The following CPEB4 variants were observed in gnomAD, a reference collection of about 807,000 sequenced individuals.
The protein encoded by CPEB4 is cytoplasmic polyadenylation element binding protein 4, also known as cytoplasmic polyadenylation element-binding protein 4.
CPEB4 carries 12 observed loss-of-function variants against 72.5 expected under a neutral mutation model. The ratio of observed to expected loss-of-function variants is 0.17; its 90% CI spans 0.11 to 0.27. The LOEUF is 0.27. Among genes scored for constraint, CPEB4 ranks in the 10% least tolerant of loss-of-function variants. CPEB4 has a pLI of 1.00. For missense variants in CPEB4, 614 were observed against 908.5 expected, an observed-to-expected ratio of 0.68 and a Z score of 4.17; for synonymous variants, 302 against 326.3, an observed-to-expected ratio of 0.93 and a Z score of 0.80.
rs371038561 is a variant in CPEB4, at chr5:173,943,096, G to T, written c.1282+47G>T. On this transcript the variant is annotated intron_variant, in intron 4 of 9. Coordinates refer to ENST00000265085, the MANE Select transcript of CPEB4 (RefSeq NM_030627.4). Reference sequence around the variant, plus strand: ...AAATGTATCACTTGTATTTGGAGACGACCCAAGCTTGTTTAATTTCTAACC... The same window carrying T: ...AAATGTATCACTTGTATTTGGAGACTACCCAAGCTTGTTTAATTTCTAACC... The T allele has an allele frequency of 6.3e-6, 10 of 1,583,098 alleles. No homozygotes were observed. The African/African-American group carries it at 6.8e-5, about 11-fold the overall frequency.
chr5:173,930,922 C>T (rs1344281161), intron 2 of CPEB4, among the ~76,000 whole-genome samples: 1 of 145,534 alleles, frequency 6.9e-6, no homozygotes, highest in South Asian at 2.1e-4. Context: ...ACCTGGGAGA[C>T]GGAGCTTGCA....
At position 173,955,973 on chromosome 5, in the gene CPEB4, G is replaced by T; in HGVS notation, c.2026G>T (p.Gly676Trp). 1 of 1,614,032 alleles carries T rather than the reference G, an allele frequency of 6.2e-7. No homozygotes were observed. Among genetic ancestry groups the T allele is most frequent in the South Asian group, 1.1e-5 (1 of 91,074 alleles). The change falls in exon 10 of 10, where the codon GGG (glycine) becomes TGG (tryptophan). Residue 676 changes from glycine to tryptophan, a missense_variant. Around this residue, in one of 5 missense-constraint regions of CPEB4, gnomAD observed 101 missense variants for 243.1 expected, o/e 0.42. Transcript: ENST00000265085. This position sits in a 1 kb window ranked among gnomAD's most constrained non-coding sequence, Gnocchi z 4.7. Reference sequence around the variant, plus strand: ...TGATGAATGTCAGGGGGCCCGTTGTGGGGGGAAATTTGCTCCATTTTTCTG... The same window carrying T: ...TGATGAATGTCAGGGGGCCCGTTGTTGGGGGAAATTTGCTCCATTTTTCTG... The part of the protein sequence containing the change: ...LCDECQGARC[G>W]GKFAPFFCAN...
chr5:173,955,769 A>C lies in CPEB4; in HGVS notation c.1963-141A>C. 1 of 611,372 alleles carries C rather than the reference A, an allele frequency of 1.6e-6. No homozygotes were observed. Among genetic ancestry groups the C allele is most frequent in the Non-Finnish European group, 2.8e-6 (1 of 353,482 alleles). 37.9% of individuals were successfully genotyped at this position (611,372 alleles called of 1,614,324 possible). On this transcript the variant is annotated intron_variant, in intron 9 of 9. Coordinates refer to ENST00000265085, the MANE Select transcript of CPEB4 (RefSeq NM_030627.4). This position sits in a 1 kb window ranked among gnomAD's most constrained non-coding sequence, Gnocchi z 4.7. The stretch of plus-strand genomic sequence containing the variant: ...GGTTCTTAAAAGATGAACTATCCAT[A>C]TTTCAGTAAATGAATAATTAGTCCT...
At position 173,951,313 on chromosome 5, in the gene CPEB4, TA is replaced by T. The variant is rs77822827; in HGVS notation, c.1666-502del. Among the ~76,000 whole-genome samples the T allele has an allele frequency of 1.0e-3, 158 of 151,602 alleles. 1 individual carries two copies. Among genetic ancestry groups the T allele is most frequent in the Middle Eastern group, 6.9e-3 (2 of 290 alleles). ...AATGGATACACTGAAGTATTTGTCA[TA>T]AAAAAAAATCTATTGCAAATATCAT... On this transcript the variant is annotated intron_variant, in intron 7 of 9. Coordinates refer to ENST00000265085, the MANE Select transcript of CPEB4 (RefSeq NM_030627.4).
chr5:173,951,327 T>C (rs1758210189), intron 7 of CPEB4, among the ~76,000 whole-genome samples: 1 of 152,110 alleles, frequency 6.6e-6, no homozygotes, highest in Non-Finnish European at 1.5e-5. Context: ...AAAAAATCTA[T>C]TGCAAATATC....
rs754693960 is a variant in CPEB4 at position 173,950,103 on chromosome 5, G to A, written c.1665+25G>A. On this transcript the variant is annotated intron_variant, in intron 7 of 9. Coordinates refer to ENST00000265085, the MANE Select transcript of CPEB4 (RefSeq NM_030627.4). The surrounding 1 kb of genome is among the most constrained non-coding windows in gnomAD (Gnocchi z 5.0). Reference sequence around the variant, plus strand: ...AGTAAGTGTGGTTTAGCATAAAATAGCTTCTTGTTTTTGCCTCCATTCATC... The same window carrying A: ...AGTAAGTGTGGTTTAGCATAAAATAACTTCTTGTTTTTGCCTCCATTCATC... 3 of 1,429,478 alleles carry A rather than the reference G, an allele frequency of 2.1e-6. No individual in the cohort carries two copies. In the South Asian group the frequency reaches 3.7e-5, roughly 17 times the overall value. 88.5% of individuals were successfully genotyped at this position (1,429,478 alleles called of 1,614,324 possible). A position where few individuals can be genotyped will look rare whatever the true frequency, so the allele number is the denominator to read the frequency against.
chr5:173,890,883 T>A lies in CPEB4; in HGVS notation c.1125+25T>A, dbSNP rs776982792. The A allele has an allele frequency of 3.2e-6, 5 of 1,574,082 alleles. No individual in the cohort carries two copies. The East Asian group carries it at 6.7e-5, about 21-fold the overall frequency. ...GGTAAGATTATGTTCCATTAATAGA[T>A]TAGGATGAATAAGGAAATAGCATGG... On this transcript the variant is annotated intron_variant, in intron 1 of 9. Coordinates refer to ENST00000265085, the MANE Select transcript of CPEB4 (RefSeq NM_030627.4).
intron 2 of CPEB4, among the ~76,000 whole-genome samples, chr5:173,918,580 A>G (rs1303157526): frequency 6.6e-6 from 1 of 152,182 alleles, no homozygotes; most frequent in Non-Finnish European, 1.5e-5. Context: ...GATCGGACTG[A>G]AGCCTTTCTC....
At chr5:173,905,016 T>TAA (rs201844730) in intron 1 of CPEB4, among the ~76,000 whole-genome samples, 4 of 79,518 alleles carry the variant, frequency 5.0e-5, no homozygotes, top group African/African-American at 1.7e-4. Flanking sequence ...ATAATAATAA[T>TAA]AAAAAAATGT....
chr5:173,893,032 TGTGTGA>T (rs748721058), intron 1 of CPEB4: 11,102 of 142,040 alleles, frequency 0.078, 456 homozygotes, highest in Middle Eastern at 0.15. Context: ...TGTGTGTGTG[TGTGTGA>T]GAGAGAGAGA....
intron 2 of CPEB4, among the ~76,000 whole-genome samples, chr5:173,925,350 C>A (rs28609552): frequency 0.14 from 21,422 of 152,108 alleles, 2,134 homozygotes; most frequent in African/African-American, 0.28. Context: ...CAAGACTCTT[C>A]AGCTGATATC....
At chr5:173,937,429 G>A (rs1561625803) in intron 3 of CPEB4, among the ~76,000 whole-genome samples, 1 of 152,140 alleles carries the variant, frequency 6.6e-6, no homozygotes, top group Non-Finnish European at 1.5e-5. Context: ...AAAGGAAGGT[G>A]TAATTTACTC....
chr5:173,943,409 C>T (rs1176437803), intron 4 of CPEB4, among the ~76,000 whole-genome samples: 1 of 151,962 alleles, frequency 6.6e-6, no homozygotes, highest in African/African-American at 2.4e-5. Context: ...CCCAAAATAC[C>T]TCATTATCTT....
Position 173,922,429 on chromosome 5 carries a change from C to T in CPEB4, c.1208-10021C>T, listed in dbSNP as rs567430309. ...TATTTTTTGCAGAAATGGGGCTTTG[C>T]CATGTTGCCTAGGCTGGTCTCAAAC... On this transcript the variant is annotated intron_variant, in intron 2 of 9. Transcript: ENST00000265085. Among the ~76,000 whole-genome samples, 7 of 152,072 alleles carry T rather than the reference C, an allele frequency of 4.6e-5. 1 individual carries two copies. The highest frequency in any genetic ancestry group is 9.6e-5 in the African/African-American group (4 of 41,492).
chr5:173,914,268 A>G (rs1756782913), intron 2 of CPEB4, among the ~76,000 whole-genome samples: 2 of 152,204 alleles, frequency 1.3e-5, no homozygotes, highest in Non-Finnish European at 2.9e-5. Context: ...TTTTAGGAAT[A>G]CTATGCTTGA....
intron 5 of CPEB4, among the ~76,000 whole-genome samples, chr5:173,946,419 T>C (rs142104556): frequency 1.3e-3 from 205 of 152,318 alleles, no homozygotes; most frequent in African/African-American, 4.8e-3. Context: ...AGAAGAGAAT[T>C]AGTACCTTGG....
chr5:173,948,511 A>G (rs1437192040), intron 5 of CPEB4, among the ~76,000 whole-genome samples: 1 of 152,170 alleles, frequency 6.6e-6, no homozygotes, highest in Non-Finnish European at 1.5e-5. Flanking sequence ...AAAAAAGATT[A>G]ACATGCTCAT....
intron 3 of CPEB4, among the ~76,000 whole-genome samples, chr5:173,939,919 C>T (rs962229419): frequency 6.9e-6 from 1 of 144,548 alleles, no homozygotes; most frequent in Non-Finnish European, 1.5e-5. Flanking sequence ...TGAGACCAGC[C>T]TGTTCAACAG....
chr5:173,938,121 C>T (rs1423059075), intron 3 of CPEB4, among the ~76,000 whole-genome samples: 1 of 152,106 alleles, frequency 6.6e-6, no homozygotes, highest in African/African-American at 2.4e-5. Context: ...AGCTTCAAGC[C>T]TTTGATTTAT....
Sources: gnomAD v4.1 joint callset for allele counts (sites outside exome capture counted in the v4.1 genomes callset) on GRCh38, gnomAD v4.1.1 for gene constraint, gnomAD v4.1.1 regional missense constraint, Gnocchi (gnomAD v3.1) non-coding constraint, MANE v1.5 for transcripts, NCBI Gene and HGNC (gene_info 2026-07-23, HGNC 2026-07-21) for gene names.